The following CLPTM1L variants were observed in gnomAD, a reference collection of about 807,000 sequenced individuals.
The protein encoded by CLPTM1L is CLPTM1 like.
Under a neutral mutation model 70.9 loss-of-function variants are expected in CLPTM1L, and 38 were observed. That is an observed-to-expected ratio of 0.54 (90% CI 0.41 to 0.70). The LOEUF (loss-of-function observed/expected upper bound fraction) is 0.70. Among genes scored for constraint, CLPTM1L ranks in the 30% least tolerant of loss-of-function variants. CLPTM1L has a pLI of 0.00. For synonymous variants in CLPTM1L, 339 were observed against 299.9 expected (o/e 1.13, Z -1.35); for missense variants, 652 against 705.9 (o/e 0.92, Z 0.87).
At chr5:1,332,850 A>G (rs1178917444) in intron 7 of CLPTM1L, among the ~76,000 whole-genome samples, 1 of 152,258 alleles carries the variant, frequency 6.6e-6, no homozygotes, top group Non-Finnish European at 1.5e-5. Context: ...TATTTGATAC[A>G]CATATTCAGA....
chr5:1,321,959 C>A, intron 13 of CLPTM1L, 140 bp from the exon 14 acceptor site: 1 of 762,604 alleles, frequency 1.3e-6, no homozygotes, highest in Non-Finnish European at 2.3e-6. Context: ...GCTATCCAGA[C>A]AACTTCAGAG....
At chr5:1,328,369 A>AG (rs1752783932) in intron 9 of CLPTM1L, among the ~76,000 whole-genome samples, 1 of 145,654 alleles carries the variant, frequency 6.9e-6, no homozygotes, top group African/African-American at 2.6e-5. Flanking sequence ...CATTTCATCC[A>AG]GCTCCTCCTC....
intron 9 of CLPTM1L, 100 bp downstream of exon 9, chr5:1,330,180 G>A: frequency 1.1e-6 from 1 of 934,766 alleles, no homozygotes; most frequent in Non-Finnish European, 1.7e-6. Context: ...CAAGCACACA[G>A]GCTTCCACAG....
At chr5:1,328,736 C>CATTTCATCCAGCTCCTCCTCTACAGACAT (rs1752833052) in intron 9 of CLPTM1L, among the ~76,000 whole-genome samples, 1 of 151,270 alleles carries the variant, frequency 6.6e-6, no homozygotes, top group Non-Finnish European at 1.5e-5. Flanking sequence ...TCTACAGACA[C>CATTTCATCCAGCTCCTCCTCTACAGACAT]ATTTCATCCA....
Position 1,323,948 on chromosome 5 carries a change from G to A in CLPTM1L, c.1198-79C>T, listed in dbSNP as rs963268279. Reference sequence around the variant, plus strand: ...AAACACACTGCATGGAGCTCACCCCGACAGGGACAGACAGAACGAGCTACA... The same window carrying A: ...AAACACACTGCATGGAGCTCACCCCAACAGGGACAGACAGAACGAGCTACA... On this transcript the variant is annotated intron_variant, in intron 11 of 16. Transcript: ENST00000320895. The A allele has an allele frequency of 3.9e-5, 42 of 1,080,320 alleles. 1 individual carries two copies. In the African/African-American group the frequency reaches 4.5e-4, roughly 12 times the overall value. The allele number at this position is 1,080,320 out of a possible 1,614,324, so 66.9% of individuals were successfully genotyped here.
rs1199818235 is a variant in CLPTM1L at position 1,345,059 on chromosome 5, G to GCGCCGCGGGATTCGCCGT, written c.-219_-218insACGGCGAATCCCGCGGCG. On this transcript the variant is annotated 5_prime_UTR_variant, in exon 1 of 17. Coordinates refer to ENST00000320895, the MANE Select transcript of CLPTM1L (RefSeq NM_030782.5). Reference sequence around the variant, plus strand: ...CCACCTGGCGCCGCGGGATTCGCCGGCCCCGCGCGCCGCTTCCGGGCCCCG... The same window carrying GCGCCGCGGGATTCGCCGT: ...CCACCTGGCGCCGCGGGATTCGCCGGCGCCGCGGGATTCGCCGTCCCCGCGCGCCGCTTCCGGGCCCCG... 1.3e-5 allele frequency: 2 copies of GCGCCGCGGGATTCGCCGT among 159,496 alleles called. No homozygotes were observed. Among genetic ancestry groups the GCGCCGCGGGATTCGCCGT allele is most frequent in the African/African-American group, 4.8e-5 (2 of 41,306 alleles). 9.9% of individuals were successfully genotyped at this position (159,496 alleles called of 1,614,324 possible).
intron 6 of CLPTM1L, among the ~76,000 whole-genome samples, chr5:1,334,662 G>A (rs529834639): frequency 8.6e-4 from 131 of 152,234 alleles, no homozygotes; most frequent in Non-Finnish European, 1.4e-3. Flanking sequence ...ACTGAGGAAC[G>A]AGAATCGCTT....
rs561694014 is a variant in CLPTM1L at position 1,321,847 on chromosome 5, G to T, written c.1316-28C>A. The T allele has an allele frequency of 2.5e-6, 4 of 1,605,274 alleles. No individual in the cohort carries two copies. The South Asian group carries it at 4.4e-5, about 18-fold the overall frequency. ...GCAGAAAGACAGACAGCACTCACGA[G>T]GTGCGGAGGGCCGGGCTGCCACATC... On this transcript the variant is annotated intron_variant, in intron 13 of 16. Coordinates refer to ENST00000320895, the MANE Select transcript of CLPTM1L (RefSeq NM_030782.5).
intron 9 of CLPTM1L, among the ~76,000 whole-genome samples, chr5:1,328,299 T>TACATTTCATCCAGCTACTCCTCTACGGAC (rs1561236384): frequency 7.7e-6 from 1 of 130,424 alleles, no homozygotes; most frequent in Non-Finnish European, 1.6e-5. Flanking sequence ...CTCTACAGGA[T>TACATTTCATCCAGCTACTCCTCTACGGAC]ACATTTCATC....
At chr5:1,340,623 G>A (rs1753879428) in intron 3 of CLPTM1L, among the ~76,000 whole-genome samples, 1 of 152,166 alleles carries the variant, frequency 6.6e-6, no homozygotes, top group South Asian at 2.1e-4. Context: ...ACACGGAGAG[G>A]GGCAGGTGAG....
intron 9 of CLPTM1L, among the ~76,000 whole-genome samples, chr5:1,327,165 GCACATTCCATCCAGCTCCTCCTCTACAGA>G (rs1752647574): frequency 2.1e-4 from 20 of 97,456 alleles, no homozygotes; most frequent in Admixed American, 1.2e-3. Context: ...TCCTCTACAG[GCACATTCCATCCAGCTCCTCCTCTACAGA>G]CACATTCCAT....
chr5:1,331,863 G>A lies in CLPTM1L; in HGVS notation c.912C>T (p.Ala304=), dbSNP rs771003320. The A allele has an allele frequency of 1.2e-5, 20 of 1,613,290 alleles. No individual in the cohort carries two copies. In the South Asian group the frequency reaches 2.1e-4, roughly 17 times the overall value. The change falls in exon 8 of 17, where the codon GCC becomes GCT. Residue 304 remains alanine, a synonymous_variant. Coordinates refer to ENST00000320895, the MANE Select transcript of CLPTM1L (RefSeq NM_030782.5). Reference sequence around the variant, plus strand: ...TCCAGAAACTGATGTCATTTTTAAAGGCCAGGAAATCAAAGAGAAGCTAGA... The same window carrying A: ...TCCAGAAACTGATGTCATTTTTAAAAGCCAGGAAATCAAAGAGAAGCTAGA... ...AAFHLLFDFL[A]FKNDISFWKK...
At position 1,334,377 on chromosome 5, in the gene CLPTM1L, G is replaced by C; in HGVS notation, c.803C>G (p.Ser268Ter). 1 of 1,574,198 alleles carries C rather than the reference G, an allele frequency of 6.4e-7. No individual in the cohort carries two copies. The highest frequency in any genetic ancestry group is 8.6e-7 in the Non-Finnish European group (1 of 1,159,108). The change falls in exon 7 of 17, where the codon TCA becomes TGA. Residue 268 changes from serine (S) to a stop codon, truncating the protein, a stop_gained. Coordinates refer to ENST00000320895, the MANE Select transcript of CLPTM1L (RefSeq NM_030782.5). LOFTEE classifies it high-confidence loss of function. ...TTTCACCTCATCAGCATCTTTCTCT[G>C]AAAACCCTGTCAAGGAAAAAAAAAC... ...AVYSLQQFGF[S>*]EKDADEVKGI...
At position 1,323,046 on chromosome 5, in the gene CLPTM1L, A is replaced by G. The variant is rs1752251731; in HGVS notation, c.1281-135T>C. The G allele has an allele frequency of 1.9e-5, 16 of 862,014 alleles. No homozygotes were observed. The South Asian group carries it at 2.3e-4, about 12-fold the overall frequency. The allele number at this position is 862,014 out of a possible 1,614,324, so 53.4% of individuals were successfully genotyped here. On this transcript the variant is annotated intron_variant, in intron 12 of 16. Coordinates refer to ENST00000320895, the MANE Select transcript of CLPTM1L (RefSeq NM_030782.5). ...CTCTCACGGCAGCTCGGCAGCCAAG[A>G]GCAGCAGTGCTGAGCCTGGTTCTCA...
At chr5:1,323,912 C>A in intron 11 of CLPTM1L, 43 bp from the exon 12 acceptor site, 2 of 1,450,152 alleles carry the variant, frequency 1.4e-6, no homozygotes. Context: ...GCCCAAACGC[C>A]AAGCCTCTGT....
At position 1,325,740 on chromosome 5, in the gene CLPTM1L, C is replaced by T. The variant is rs759416704; in HGVS notation, c.1146+11G>A. The T allele has an allele frequency of 7.4e-6, 12 of 1,611,682 alleles. No individual in the cohort carries two copies. Among genetic ancestry groups the T allele is most frequent in the Non-Finnish European group, 1.0e-5 (12 of 1,177,966 alleles). On this transcript the variant is annotated intron_variant, in intron 10 of 16. Coordinates refer to ENST00000320895, the MANE Select transcript of CLPTM1L (RefSeq NM_030782.5). ...GAGGCTTGGGGTTCAGCCATTACAA[C>T]TAAATCCTACCTGAAATTCGGGCAT...
Position 1,342,051 on chromosome 5 carries a change from C to T in CLPTM1L, c.264-191G>A, listed in dbSNP as rs925344628. ...GTGTGTGTGTGTGTGCACGCGCACGCGTGCGCGTCCTGAGAACTCGGCACA... is the reference window on the plus strand; with the variant it reads ...GTGTGTGTGTGTGTGCACGCGCACGTGTGCGCGTCCTGAGAACTCGGCACA... On this transcript the variant is annotated intron_variant, in intron 2 of 16. Transcript: ENST00000320895. The surrounding 1 kb of genome is among the most constrained non-coding windows in gnomAD (Gnocchi z 4.3). 6.6e-5 allele frequency among the ~76,000 whole-genome samples: 10 copies of T among 150,832 alleles called. No individual in the cohort carries two copies. The highest frequency in any genetic ancestry group is 2.6e-4 in the Admixed American group (4 of 15,196).
Position 1,335,139 on chromosome 5 carries a change from G to A in CLPTM1L, c.714C>T (p.Thr238=), listed in dbSNP as rs758332047. The A allele has an allele frequency of 6.2e-6, 10 of 1,613,756 alleles. No individual in the cohort carries two copies. Among genetic ancestry groups the A allele is most frequent in the East Asian group, 4.5e-5 (2 of 44,886 alleles). Residue 238 remains threonine (T), a synonymous_variant, in exon 6 of 17, where the codon ACC becomes ACT. Transcript: ENST00000320895. ...INRSTTELPL[T]VSYDKVSLGR... Reference sequence around the variant, plus strand: ...CCAGTGAGACCTTGTCGTAGGACACGGTGAGGGGCAGCTCGGTGGTGGAGC... The same window carrying A: ...CCAGTGAGACCTTGTCGTAGGACACAGTGAGGGGCAGCTCGGTGGTGGAGC...
At chr5:1,340,009 C>A (rs769135438) in intron 3 of CLPTM1L, among the ~76,000 whole-genome samples, 1 of 152,232 alleles carries the variant, frequency 6.6e-6, no homozygotes, top group East Asian at 1.9e-4. Flanking sequence ...CAGGCACAAC[C>A]GGGGGAGAGC....
Sources: allele counts gnomAD v4.1 joint callset (sites outside exome capture counted in the v4.1 genomes callset), GRCh38; gene constraint gnomAD v4.1.1; non-coding constraint Gnocchi (gnomAD v3.1); transcripts MANE v1.5; gene names NCBI Gene and HGNC (gene_info 2026-07-23, HGNC 2026-07-21).